The following TLN2 variants were observed in gnomAD, a reference collection of about 807,000 sequenced individuals.
TLN2 encodes the protein talin-2.
In TLN2, 118 loss-of-function variants were observed where a neutral mutation model predicts 294.7. The ratio of observed to expected loss-of-function variants is 0.40; its 90% CI spans 0.34 to 0.47. The LOEUF (loss-of-function observed/expected upper bound fraction) is 0.47. Among genes scored for constraint, TLN2 ranks in the 20% least tolerant of loss-of-function variants. The pLI is 0.84. For synonymous variants in TLN2, 1,431 were observed against 1,304.5 expected, an observed-to-expected ratio of 1.10 and a Z score of -2.09; for missense variants, 3,083 against 3,282.2, an observed-to-expected ratio of 0.94 and a Z score of 1.48.
intron 12 of TLN2, 134 bp from the exon 13 acceptor site, chr15:62,692,706 T>C (rs1246492544): frequency 3.1e-6 from 2 of 646,858 alleles, no homozygotes; most frequent in African/African-American, 3.8e-5. Context: ...AATTTTAGGA[T>C]ATTCATTTGT....
intron 2 of TLN2, among the ~76,000 whole-genome samples, chr15:62,591,235 T>C (rs1443221885): frequency 6.6e-6 from 1 of 152,230 alleles, no homozygotes; most frequent in Non-Finnish European, 1.5e-5. Flanking sequence ...TGCTGTTTAT[T>C]TCCTATGTCT....
At chr15:62,577,828 T>C (rs982400593) in intron 1 of TLN2, among the ~76,000 whole-genome samples, 14 of 152,224 alleles carry the variant, frequency 9.2e-5, no homozygotes, top group African/African-American at 3.1e-4. Flanking sequence ...TTTCTCCTAA[T>C]GCTATCCCTC....
At chr15:62,568,346 C>T (rs1416917773) in intron 1 of TLN2, among the ~76,000 whole-genome samples, 1 of 152,208 alleles carries the variant, frequency 6.6e-6, no homozygotes, top group African/African-American at 2.4e-5. Context: ...TGGGGCAAAC[C>T]ATCGCATTCT....
intron 1 of TLN2, among the ~76,000 whole-genome samples, chr15:62,539,326 G>C (rs1035776877): frequency 6.6e-6 from 1 of 152,158 alleles, no homozygotes; most frequent in Admixed American, 6.5e-5. Flanking sequence ...GGTGGGTGGG[G>C]TTGAAACCTT....
intron 1 of TLN2, among the ~76,000 whole-genome samples, chr15:62,550,821 T>G (rs1394234558): frequency 6.6e-6 from 1 of 152,194 alleles, no homozygotes; most frequent in East Asian, 1.9e-4. Flanking sequence ...CCCAACCTTT[T>G]TGGTTTTGTG....
chr15:62,681,816 G>A (rs140107377), intron 11 of TLN2, among the ~76,000 whole-genome samples: 148 of 152,204 alleles, frequency 9.7e-4, no homozygotes, highest in African/African-American at 3.3e-3. Context: ...TTCGAGACAC[G>A]ATCTCACTCT....
chr15:62,699,688 A>C (rs2058592466), intron 16 of TLN2, among the ~76,000 whole-genome samples: 1 of 152,196 alleles, frequency 6.6e-6, no homozygotes, highest in African/African-American at 2.4e-5. Flanking sequence ...CAGAATCTGC[A>C]TTTTAGCCAA....
At chr15:62,568,165 A>G (rs1438096574) in intron 1 of TLN2, among the ~76,000 whole-genome samples, 2 of 152,080 alleles carry the variant, frequency 1.3e-5, no homozygotes, top group East Asian at 1.9e-4. Context: ...GGCAAGGAAC[A>G]TGGTCCTTGT....
chr15:62,582,209 C>CACACACACACACAA (rs1159254871), intron 1 of TLN2, among the ~76,000 whole-genome samples: 1 of 120,638 alleles, frequency 8.3e-6, no homozygotes, highest in African/African-American at 3.1e-5. Flanking sequence ...CACACACACA[C>CACACACACACACAA]ACACACACAC....
At chr15:62,412,546 G>T (rs1342310254) in intron 1 of TLN2, among the ~76,000 whole-genome samples, 2 of 152,112 alleles carry the variant, frequency 1.3e-5, no homozygotes, top group Non-Finnish European at 2.9e-5. Context: ...CACAATTCTT[G>T]GCATCCATTA....
chr15:62,673,860 G>A lies in TLN2; in HGVS notation c.822G>A (p.Lys274=), dbSNP rs778183794. Residue 274 remains lysine (K), a synonymous_variant, in exon 10 of 59, where the codon AAG becomes AAA. Transcript: ENST00000636159. The part of the protein sequence containing the change: ...LKEFLPKEYI[K]QRGAEKRIFQ... ...AATTCCTGCCCAAAGAATATATCAA[G>A]CAGAGAGGAGCTGAAAAGAGGATCT... 4.3e-6 allele frequency: 7 copies of A among 1,613,284 alleles called. No homozygotes were observed. The South Asian group carries it at 5.5e-5, about 13-fold the overall frequency.
chr15:62,701,303 AT>A, intron 17 of TLN2, 89 bp downstream of exon 17: 1 of 1,082,758 alleles, frequency 9.2e-7, no homozygotes, highest in Non-Finnish European at 1.3e-6. Flanking sequence ...TTATCTGTTG[AT>A]TGAAACAATA....
At chr15:62,464,502 A>C (rs1364749095) in intron 1 of TLN2, among the ~76,000 whole-genome samples, 1 of 152,066 alleles carries the variant, frequency 6.6e-6, no homozygotes, top group Non-Finnish European at 1.5e-5. Flanking sequence ...CAGCAAACCA[A>C]CATAACACAT....
intron 2 of TLN2, among the ~76,000 whole-genome samples, chr15:62,597,695 G>A (rs899669000): frequency 3.3e-5 from 5 of 152,148 alleles, no homozygotes; most frequent in Non-Finnish European, 7.3e-5. Flanking sequence ...AAGTGCTTCA[G>A]ATTTCATTTT....
chr15:62,792,691 C>A lies in TLN2; in HGVS notation c.5787C>A (p.Ile1929=). ...TRVQDLGHGC[I]FLVQKAGALQ... ...TGCAGGACCTGGGCCACGGCTGTAT[C>A]TTCCTGGTGCAGAAGGCAGGGGCCC... Residue 1929 remains isoleucine, a synonymous_variant, in exon 46 of 59, where the codon ATC becomes ATA. Transcript: ENST00000636159. The A allele has an allele frequency of 6.2e-7, 1 of 1,614,028 alleles. No individual in the cohort carries two copies. Among genetic ancestry groups the A allele is most frequent in the Non-Finnish European group, 8.5e-7 (1 of 1,180,046 alleles).
At chr15:62,391,206 G>C (rs905945996) in intron 1 of TLN2, among the ~76,000 whole-genome samples, 1 of 152,232 alleles carries the variant, frequency 6.6e-6, no homozygotes, top group African/African-American at 2.4e-5. Flanking sequence ...GTCTCCCGCC[G>C]AGGCTCTGGG....
rs750302984 is a variant in TLN2, at chr15:62,792,781, G to A, written c.5877G>A (p.Thr1959=). 4.0e-5 allele frequency: 65 copies of A among 1,613,958 alleles called. 1 individual carries two copies. The highest frequency in any genetic ancestry group is 2.8e-4 in the Admixed American group (17 of 60,004). The change falls in exon 46 of 59, where the codon ACG becomes ACA. Residue 1959 remains threonine (T), a synonymous_variant. Coordinates refer to ENST00000636159, the MANE Select transcript of TLN2 (RefSeq NM_015059.3). ...TGATCGAATGCGCCCGTGCCGTCAC[G>A]GAAAAGGTAAGGAGCAGCCCTCAGT... is the stretch of plus-strand genomic sequence containing the variant. ...RELIECARAV[T]EKVSLVLSAL... is the part of the protein sequence containing the mutation.
intron 1 of TLN2, among the ~76,000 whole-genome samples, chr15:62,392,676 T>C (rs572325492): frequency 6.6e-6 from 1 of 152,182 alleles, no homozygotes; most frequent in Admixed American, 6.5e-5. Flanking sequence ...AATGATGTCA[T>C]AGTATTGAGG....
chr15:62,811,935 C>G (rs2066712994), intron 52 of TLN2, among the ~76,000 whole-genome samples: 1 of 151,762 alleles, frequency 6.6e-6, no homozygotes, highest in African/African-American at 2.4e-5. Flanking sequence ...TTGCTTGAAC[C>G]CAGGAGGTGG....
Sources: allele counts gnomAD v4.1 joint callset (sites outside exome capture counted in the v4.1 genomes callset), GRCh38; gene constraint gnomAD v4.1.1; transcripts MANE v1.5; gene names NCBI Gene and HGNC (gene_info 2026-07-23, HGNC 2026-07-21).